AHCTF1: variants seen among roughly 807,000 people sequenced by gnomAD.
The protein encoded by AHCTF1 is protein ELYS.
AHCTF1 carries 24 observed loss-of-function variants against 248.4 expected under a neutral mutation model. That is an observed-to-expected ratio of 0.10 (90% CI 0.07 to 0.14). The LOEUF (loss-of-function observed/expected upper bound fraction) is 0.14, where lower values mean the gene tolerates loss of function less well. Among genes scored for constraint, AHCTF1 ranks in the 10% least tolerant of loss-of-function variants. The pLI, the probability that AHCTF1 is intolerant of heterozygous loss-of-function variation, is 1.00. For synonymous variants in AHCTF1, 786 were observed against 929.8 expected (o/e 0.85, Z 2.81); for missense variants, 2,206 against 2,636.2 (o/e 0.84, Z 3.57).
rs1572345347 is a variant in AHCTF1 at position 246,840,787 on chromosome 1, T to C, written c.*19A>G. ...TGATGACTTTACAAATAGGTGTACA[T>C]TAAAATCTTCCCAAGAAATTACAGC... On this transcript the variant is annotated 3_prime_UTR_variant, in exon 36 of 36. Coordinates refer to ENST00000648844, the MANE Select transcript of AHCTF1 (RefSeq NM_001323342.2). 6.3e-7 allele frequency: 1 copy of C among 1,588,714 alleles called. No individual in the cohort carries two copies. Among genetic ancestry groups the C allele is most frequent in the African/African-American group, 1.4e-5 (1 of 73,758 alleles).
chr1:246,927,254 G>T (rs953814046), intron 1 of AHCTF1, among the ~76,000 whole-genome samples: 1 of 152,026 alleles, frequency 6.6e-6, no homozygotes, highest in Non-Finnish European at 1.5e-5. Context: ...AGGCCAAGGC[G>T]GGAGAATGGC....
At position 246,867,344 on chromosome 1, in the gene AHCTF1, T is replaced by C. The variant is rs2103079260; in HGVS notation, c.3247A>G (p.Ile1083Val). Residue 1083 changes from isoleucine to valine, a missense_variant, in exon 26 of 36, where the codon ATA becomes GTA. Physicochemically the swap from Ile to Val is conservative, Grantham distance 29 (BLOSUM62 3). This residue lies in a region of AHCTF1 where 955 missense variants were observed against 1,055.6 expected (regional missense o/e 0.90). Transcript: ENST00000648844. Reference sequence around the variant, plus strand: ...TACACTATAGGAGATGGTTCTTCTATTTTAGAACTATGAAAATAAAAATTT... The same window carrying C: ...TACACTATAGGAGATGGTTCTTCTACTTTAGAACTATGAAAATAAAAATTT... Reference protein sequence around the residue: ...NSTTPFNSSKIEEPSPIVYSL... With the variant: ...NSTTPFNSSKVEEPSPIVYSL... The C allele has an allele frequency of 1.9e-6, 3 of 1,575,840 alleles. No individual in the cohort carries two copies. The East Asian group carries it at 6.8e-5, about 36-fold the overall frequency.
At chr1:246,888,568 T>G (rs761095728) in intron 17 of AHCTF1, 51 bp from the exon 18 acceptor site, 2 of 1,587,546 alleles carry the variant, frequency 1.3e-6, no homozygotes, top group Non-Finnish European at 8.6e-7. Context: ...TTAATTAATA[T>G]CAAAGCAACC....
At chr1:246,913,140 C>A in intron 4 of AHCTF1, 92 bp downstream of exon 4, 2 of 1,057,096 alleles carry the variant, frequency 1.9e-6, no homozygotes, top group Non-Finnish European at 2.6e-6. Flanking sequence ...TATTTTACTC[C>A]AGCTGCTATA....
rs375462884 is a variant in AHCTF1 at position 246,900,491 on chromosome 1, T to TA, written c.1118-23dup. On this transcript the variant is annotated intron_variant, in intron 8 of 35. Coordinates refer to ENST00000648844, the MANE Select transcript of AHCTF1 (RefSeq NM_001323342.2). ...AGAGCTGGAAGAAAAAGATAATTTT[T>TA]AAAAACAGAATAAAGAATCTCAAAG... The TA allele has an allele frequency of 5.7e-6, 9 of 1,578,578 alleles. No individual in the cohort carries two copies. In the Admixed American group the frequency reaches 8.6e-5, roughly 15 times the overall value.
intron 35 of AHCTF1, among the ~76,000 whole-genome samples, chr1:246,842,453 G>A (rs1462354259): frequency 6.6e-6 from 1 of 151,872 alleles, no homozygotes; most frequent in Non-Finnish European, 1.5e-5. Context: ...GTGGTGGTGG[G>A]CACCTGTAGT....
At chr1:246,904,702 C>T (rs143242697) in intron 6 of AHCTF1, among the ~76,000 whole-genome samples, 3 of 152,288 alleles carry the variant, frequency 2.0e-5, no homozygotes, top group Non-Finnish European at 2.9e-5. Flanking sequence ...AACTCAAGCA[C>T]GAAGCATGCA....
intron 2 of AHCTF1, among the ~76,000 whole-genome samples, 160 bp from the exon 3 acceptor site, chr1:246,916,555 A>G (rs988285128): frequency 6.6e-6 from 1 of 152,238 alleles, no homozygotes; most frequent in Non-Finnish European, 1.5e-5. Context: ...TACAATAATA[A>G]TAGTCATTCA....
At chr1:246,865,829 C>G (rs1661935586) in intron 26 of AHCTF1, among the ~76,000 whole-genome samples, 1 of 151,952 alleles carries the variant, frequency 6.6e-6, no homozygotes, top group South Asian at 2.1e-4. Context: ...GGTCTTCAAC[C>G]CTGAGACCAA....
Position 246,867,654 on chromosome 1 carries a change from A to G in AHCTF1, c.3239+7T>C. 1.2e-6 allele frequency: 2 copies of G among 1,611,192 alleles called. No homozygotes were observed. The highest frequency in any genetic ancestry group is 1.3e-5 in the African/African-American group (1 of 74,910). ...AGCATGACTATGAAACGTGTAAGAA[A>G]ACATACCTATTGAAAGGTGTGGTGC... is the stretch of plus-strand genomic sequence containing the variant. On this transcript the variant is annotated splice_region_variant and intron_variant, in intron 25 of 35. Transcript: ENST00000648844.
chr1:246,905,757 C>T lies in AHCTF1; in HGVS notation c.765-100G>A. On this transcript the variant is annotated intron_variant, in intron 5 of 35. Transcript: ENST00000648844. ...GGGTTAGGCAACCACTGTTCCTACA[C>T]TTCCCCAGAATAAGTGATCTGTGGG... The T allele has an allele frequency of 4.9e-6, 4 of 819,180 alleles. No individual in the cohort carries two copies. In the South Asian group the frequency reaches 6.6e-5, roughly 14 times the overall value. 50.7% of individuals were successfully genotyped at this position (819,180 alleles called of 1,614,324 possible). A position where few individuals can be genotyped will look rare whatever the true frequency, so the allele number is the denominator to read the frequency against.
intron 1 of AHCTF1, among the ~76,000 whole-genome samples, chr1:246,922,301 A>AG (rs1347430685): frequency 6.6e-6 from 1 of 152,206 alleles, no homozygotes; most frequent in Non-Finnish European, 1.5e-5. Context: ...CAGAGGTTGC[A>AG]GTAAGCAGAG....
At chr1:246,909,079 A>ATATCTGTC (rs1665603831) in intron 4 of AHCTF1, among the ~76,000 whole-genome samples, 1 of 143,242 alleles carries the variant, frequency 7.0e-6, no homozygotes, top group Non-Finnish European at 1.5e-5. Flanking sequence ...ATATATATCT[A>ATATCTGTC]TATCTATCTA....
At chr1:246,853,800 A>G (rs1660897120) in intron 31 of AHCTF1, among the ~76,000 whole-genome samples, 1 of 149,482 alleles carries the variant, frequency 6.7e-6, no homozygotes, top group South Asian at 2.1e-4. Context: ...ATAAAAAAGC[A>G]CAAAAATAAA....
intron 33 of AHCTF1, among the ~76,000 whole-genome samples, chr1:246,848,573 G>T (rs1223893712): frequency 6.6e-6 from 1 of 150,646 alleles, no homozygotes; most frequent in Admixed American, 6.6e-5. Flanking sequence ...AACTTAAATA[G>T]TCAACTACAT....
At chr1:246,883,568 CTAAGA>C (rs1448928133) in intron 21 of AHCTF1, among the ~76,000 whole-genome samples, 1 of 152,204 alleles carries the variant, frequency 6.6e-6, no homozygotes, top group African/African-American at 2.4e-5. Context: ...CAGCTTTCTC[CTAAGA>C]TGTTTCAATA....
intron 1 of AHCTF1, among the ~76,000 whole-genome samples, chr1:246,922,379 C>T (rs989959380): frequency 4.0e-5 from 6 of 151,606 alleles, no homozygotes; most frequent in African/African-American, 1.5e-4. Context: ...GGAAAAGACA[C>T]GTGCAAGAAG....
chr1:246,909,946 G>A (rs553974106), intron 4 of AHCTF1, among the ~76,000 whole-genome samples: 4 of 152,118 alleles, frequency 2.6e-5, no homozygotes, highest in Non-Finnish European at 5.9e-5. Flanking sequence ...TTCACCCCCT[G>A]CTGAGAACCA....
Position 246,839,956 on chromosome 1 carries a change from A to G in AHCTF1, c.*850T>C, listed in dbSNP as rs1361742401. The stretch of plus-strand genomic sequence containing the variant: ...AGTTTTAAAACCTGAATATTAAGGG[A>G]TTTCTGTGGTTCAATAGCAAGCTCC... On this transcript the variant is annotated 3_prime_UTR_variant, in exon 36 of 36. Transcript: ENST00000648844. 1.3e-5 allele frequency: 2 copies of G among 152,514 alleles called. No homozygotes were observed. Among genetic ancestry groups the G allele is most frequent in the Non-Finnish European group, 2.9e-5 (2 of 68,026 alleles). 9.4% of individuals were successfully genotyped at this position (152,514 alleles called of 1,614,324 possible).
Sources: gnomAD v4.1 joint callset for allele counts (sites outside exome capture counted in the v4.1 genomes callset) on GRCh38, gnomAD v4.1.1 for gene constraint, gnomAD v4.1.1 regional missense constraint, MANE v1.5 for transcripts, NCBI Gene and HGNC (gene_info 2026-07-23, HGNC 2026-07-21) for gene names.